Variants in RPS6KC1 observed in about 807,000 individuals in gnomAD.
The protein encoded by RPS6KC1 is inactive ribosomal protein S6 kinase delta-1.
RPS6KC1 carries 54 observed loss-of-function variants against 103.8 expected under a neutral mutation model. The observed-to-expected ratio is 0.52, with a 90% CI of 0.42 to 0.65. The LOEUF is 0.65. RPS6KC1 is among the 30% of genes least tolerant of loss of function. RPS6KC1 has a pLI of 0.00. For synonymous variants in RPS6KC1, 439 were observed against 438.7 expected, an observed-to-expected ratio of 1.00 and a Z score of -0.01; for missense variants, 1,151 against 1,253.8, an observed-to-expected ratio of 0.92 and a Z score of 1.24.
chr1:213,805,556 G>T, the RPS6KC1 span, among the ~76,000 whole-genome samples: 3 of 152,068 alleles, frequency 2.0e-5, no homozygotes, highest in African/African-American at 7.2e-5. Flanking sequence ...CCATCTTCAG[G>T]TTCCACTTCT....
chr1:213,155,290 C>T (rs189066418), intron 6 of RPS6KC1, among the ~76,000 whole-genome samples: 1 of 152,236 alleles, frequency 6.6e-6, no homozygotes, highest in East Asian at 1.9e-4. Context: ...TCCTCCTGTC[C>T]ACTGTCTCTG....
the RPS6KC1 span, among the ~76,000 whole-genome samples, chr1:213,767,211 C>A: frequency 6.6e-6 from 1 of 152,204 alleles, no homozygotes; most frequent in African/African-American, 2.4e-5. Flanking sequence ...CAAAACCCTT[C>A]GCTATCTCTC....
chr1:213,288,178 C>T, the RPS6KC1 span, among the ~76,000 whole-genome samples: 17 of 152,156 alleles, frequency 1.1e-4, no homozygotes, highest in Admixed American at 9.8e-4. Context: ...TTGTGTCAAC[C>T]GTGTCAACAT....
the RPS6KC1 span, among the ~76,000 whole-genome samples, chr1:213,778,017 G>A: frequency 2.0e-5 from 3 of 152,144 alleles, no homozygotes; most frequent in Non-Finnish European, 2.9e-5. Context: ...AGGCCACTCA[G>A]CTAGTGTGCG....
chr1:213,848,134 A>T, the RPS6KC1 span, among the ~76,000 whole-genome samples: 1 of 152,234 alleles, frequency 6.6e-6, no homozygotes, highest in South Asian at 2.1e-4. Context: ...AATAATTTTT[A>T]ACATTATTGA....
chr1:213,443,737 G>T, the RPS6KC1 span, among the ~76,000 whole-genome samples: 1 of 152,032 alleles, frequency 6.6e-6, no homozygotes, highest in South Asian at 2.1e-4. Context: ...GCAACATGGC[G>T]AAACCCCGTC....
chr1:213,407,166 G>T, the RPS6KC1 span, among the ~76,000 whole-genome samples: 1 of 151,882 alleles, frequency 6.6e-6, no homozygotes, highest in Admixed American at 6.6e-5. Context: ...TTTCTCACTG[G>T]ATTTGGGACT....
the RPS6KC1 span, among the ~76,000 whole-genome samples, chr1:213,797,123 CAA>C: frequency 6.6e-6 from 1 of 152,158 alleles, no homozygotes; most frequent in Non-Finnish European, 1.5e-5. Flanking sequence ...AAATAAAAGA[CAA>C]GAGGAAGAAA....
chr1:213,819,587 T>A, the RPS6KC1 span: 3 of 152,318 alleles, frequency 2.0e-5, no homozygotes, highest in Admixed American at 2.0e-4. Context: ...TTTCCGAACA[T>A]TCATTTCCTT....
the RPS6KC1 span, among the ~76,000 whole-genome samples, chr1:213,695,135 A>G: frequency 1.3e-5 from 2 of 152,228 alleles, no homozygotes; most frequent in Non-Finnish European, 2.9e-5. Context: ...TGCCTGCCAC[A>G]TAGTAGGCAC....
At chr1:213,649,871 G>A in the RPS6KC1 span, among the ~76,000 whole-genome samples, 1 of 152,204 alleles carries the variant, frequency 6.6e-6, no homozygotes. Flanking sequence ...GAGGATGGGA[G>A]GATCTGCCTT....
chr1:213,658,358 A>G, the RPS6KC1 span, among the ~76,000 whole-genome samples: 1 of 152,194 alleles, frequency 6.6e-6, no homozygotes. Context: ...CGGCTAAGTC[A>G]AGCACTTTTG....
chr1:213,784,211 C>A, the RPS6KC1 span, among the ~76,000 whole-genome samples: 2 of 152,164 alleles, frequency 1.3e-5, no homozygotes, highest in African/African-American at 2.4e-5. Flanking sequence ...ATGTTATGCT[C>A]TTTCCCAAGG....
At chr1:213,126,673 A>G (rs1205028997) in intron 5 of RPS6KC1, among the ~76,000 whole-genome samples, 1 of 152,184 alleles carries the variant, frequency 6.6e-6, no homozygotes, top group Non-Finnish European at 1.5e-5. Flanking sequence ...GCATTTTTAA[A>G]TAGTTAAAAA....
the RPS6KC1 span, among the ~76,000 whole-genome samples, chr1:213,683,735 C>G: frequency 6.6e-6 from 1 of 152,190 alleles, no homozygotes; most frequent in Non-Finnish European, 1.5e-5. Context: ...GACCTTGGCC[C>G]GGCCCGTCCC....
chr1:213,449,004 T>C, the RPS6KC1 span, among the ~76,000 whole-genome samples: 5 of 152,294 alleles, frequency 3.3e-5, no homozygotes, highest in East Asian at 9.7e-4. Context: ...GGAAGCAGTT[T>C]CCTTATATAA....
At chr1:213,157,193 T>C (rs2089985106) in intron 6 of RPS6KC1, among the ~76,000 whole-genome samples, 1 of 152,060 alleles carries the variant, frequency 6.6e-6, no homozygotes, top group Non-Finnish European at 1.5e-5. Context: ...TTTTCAAATA[T>C]ATGTGAATTT....
At chr1:213,692,697 T>C in the RPS6KC1 span, among the ~76,000 whole-genome samples, 1 of 152,162 alleles carries the variant, frequency 6.6e-6, no homozygotes, top group Non-Finnish European at 1.5e-5. Flanking sequence ...TAGAAGGTCA[T>C]ATACCAGTTA....
chr1:213,379,554 C>G, the RPS6KC1 span, among the ~76,000 whole-genome samples: 3 of 152,292 alleles, frequency 2.0e-5, no homozygotes, highest in Non-Finnish European at 4.4e-5. Context: ...GGACTTCCAG[C>G]CTCCAGAACT....
Sources: allele counts gnomAD v4.1 joint callset (sites outside exome capture counted in the v4.1 genomes callset), GRCh38; gene constraint gnomAD v4.1.1; transcripts MANE v1.5; gene names NCBI Gene and HGNC (gene_info 2026-07-23, HGNC 2026-07-21).